The following C14orf132 variants were observed in gnomAD, a reference collection of about 807,000 sequenced individuals.
C14orf132 encodes uncharacterized protein C14orf132.
C14orf132 carries 6 observed loss-of-function variants against 5.8 expected under a neutral mutation model. The ratio of observed to expected loss-of-function variants is 1.03; its 90% confidence interval spans 0.57 to 2.04. C14orf132 has a LOEUF of 2.04. Among genes scored for constraint, C14orf132 ranks in the 30% most tolerant of loss-of-function variants. The pLI, the probability that C14orf132 is intolerant of heterozygous loss-of-function variation, is 0.00. For missense variants in C14orf132, 125 were observed against 115.8 expected (o/e 1.08, Z -0.37); for synonymous variants, 51 against 49.8 (o/e 1.02, Z -0.10).
At position 96,050,641 on chromosome 14, in the gene C14orf132, C is replaced by G. The variant is rs1293062417; in HGVS notation, c.27+11114C>G. On this transcript the variant is annotated intron_variant, in intron 1 of 1. Coordinates refer to ENST00000555004, the MANE Select transcript of C14orf132 (RefSeq NM_001252507.3). ...CCATGTGGTCTCCAGCTGCCTCACTCTCCTCAGACTCTCACTTCCATTCTT... is the reference window on the plus strand; with the variant it reads ...CCATGTGGTCTCCAGCTGCCTCACTGTCCTCAGACTCTCACTTCCATTCTT... Among the ~76,000 whole-genome samples the G allele has an allele frequency of 2.0e-5, 3 of 152,070 alleles. No homozygotes were observed. In the East Asian group the frequency reaches 5.8e-4, roughly 29 times the overall value.
rs1888212355 is a variant in C14orf132, at chr14:96,086,893, T to A, written c.*158T>A. ...TCCCCAGCAGCCCTGATTTCAAATA[T>A]CCCATGTTGTGGTCAAGCTGAGTCA... On this transcript the variant is annotated 3_prime_UTR_variant, in exon 2 of 2. Coordinates refer to ENST00000555004, the MANE Select transcript of C14orf132 (RefSeq NM_001252507.3). The A allele has an allele frequency of 2.7e-6, 2 of 735,962 alleles. No homozygotes were observed. Among genetic ancestry groups the A allele is most frequent in the South Asian group, 3.7e-5 (2 of 53,712 alleles). The allele number at this position is 735,962 out of a possible 1,614,324, so 45.6% of individuals were successfully genotyped here. A position where few individuals can be genotyped will look rare whatever the true frequency, so the allele number is the denominator to read the frequency against.
intron 1 of C14orf132, among the ~76,000 whole-genome samples, chr14:96,054,408 T>C (rs938836603): frequency 2.0e-5 from 3 of 152,160 alleles, no homozygotes; most frequent in Non-Finnish European, 4.4e-5. Flanking sequence ...TTAAATATGG[T>C]AATGTGGCAC....
rs1888480560 is a variant in C14orf132 at position 96,093,426 on chromosome 14, A to C, written c.*6691A>C. The C allele has an allele frequency of 6.6e-6, 1 of 152,252 alleles. No individual in the cohort carries two copies. Among genetic ancestry groups the C allele is most frequent in the African/African-American group, 2.4e-5 (1 of 41,462 alleles). 9.4% of individuals were successfully genotyped at this position (152,252 alleles called of 1,614,324 possible). On this transcript the variant is annotated 3_prime_UTR_variant, in exon 2 of 2. Transcript: ENST00000555004. ...GGTAGCAGCCTTTGAGCAAATCTGCATCTTCTCTTATTTCTGACCTTTTTC... is the reference window on the plus strand; with the variant it reads ...GGTAGCAGCCTTTGAGCAAATCTGCCTCTTCTCTTATTTCTGACCTTTTTC...
At chr14:96,070,542 G>C (rs1355125028) in intron 1 of C14orf132, among the ~76,000 whole-genome samples, 1 of 151,250 alleles carries the variant, frequency 6.6e-6, no homozygotes, top group Non-Finnish European at 1.5e-5. Context: ...ATTCTGATTT[G>C]AACTGGATTG....
chr14:96,090,676 G>C lies in C14orf132; in HGVS notation c.*3941G>C, dbSNP rs1888369072. 4.4e-6 allele frequency: 2 copies of C among 455,926 alleles called. No individual in the cohort carries two copies. Among genetic ancestry groups the C allele is most frequent in the Non-Finnish European group, 8.8e-6 (2 of 226,794 alleles). The allele number at this position is 455,926 out of a possible 1,614,324, so 28.2% of individuals were successfully genotyped here. On this transcript the variant is annotated 3_prime_UTR_variant, in exon 2 of 2. Coordinates refer to ENST00000555004, the MANE Select transcript of C14orf132 (RefSeq NM_001252507.3). ...AGAGAAATGATTCTCGCTCCTTTCA[G>C]ATCCCCCAGGATCTGAGGGAGAAAG...
chr14:96,079,090 A>C (rs1241508123), intron 1 of C14orf132, among the ~76,000 whole-genome samples: 1 of 152,200 alleles, frequency 6.6e-6, no homozygotes, highest in African/African-American at 2.4e-5. Context: ...CTCTGGAGAC[A>C]CCTTGAGACA....
chr14:96,069,589 C>T (rs79923127), intron 1 of C14orf132, among the ~76,000 whole-genome samples: 33,556 of 151,856 alleles, frequency 0.22, 4,051 homozygotes, highest in South Asian at 0.27. Context: ...TTGGAGCTGG[C>T]GCAGTCAGCC....
In C14orf132 at chr14:96,049,586, A is replaced by ATG. The variant is rs1566823774; in HGVS notation, c.27+10060_27+10061insGT. ...CGTATATATACATATATACGTATAT[A>ATG]TATACATATATACGTATATATATAC... On this transcript the variant is annotated intron_variant, in intron 1 of 1. Coordinates refer to ENST00000555004, the MANE Select transcript of C14orf132 (RefSeq NM_001252507.3). 2.2e-4 allele frequency among the ~76,000 whole-genome samples: 28 copies of ATG among 125,992 alleles called. 1 individual carries two copies. Among genetic ancestry groups the ATG allele is most frequent in the Admixed American group, 5.6e-4 (7 of 12,450 alleles). The allele number at this position is 125,992 out of a possible 152,430, so 82.7% of individuals were successfully genotyped here.
At chr14:96,046,150 G>C (rs1368037984) in intron 1 of C14orf132, among the ~76,000 whole-genome samples, 1 of 152,198 alleles carries the variant, frequency 6.6e-6, no homozygotes, top group Admixed American at 6.5e-5. Flanking sequence ...AGAAGTCCCA[G>C]AATGTCATTA....
At chr14:96,051,106 T>C (rs1437461467) in intron 1 of C14orf132, 2 of 398,338 alleles carry the variant, frequency 5.0e-6, no homozygotes, top group African/African-American at 2.1e-5. Flanking sequence ...GTGAGTAACA[T>C]ACATACATAC....
Position 96,039,649 on chromosome 14 carries a change from T to C in C14orf132, c.27+122T>C. On this transcript the variant is annotated intron_variant, in intron 1 of 1. Coordinates refer to ENST00000555004, the MANE Select transcript of C14orf132 (RefSeq NM_001252507.3). The surrounding 1 kb of genome is among the most constrained non-coding windows in gnomAD (Gnocchi z 5.3). ...CCGCCCGCGATCCGCGTCCCGGTCC[T>C]TTGTCCCGAGCCGGACACCCCCACT... is the stretch of plus-strand genomic sequence containing the variant. 3 of 1,082,970 alleles carry C rather than the reference T, an allele frequency of 2.8e-6. No homozygotes were observed. Among genetic ancestry groups the C allele is most frequent in the Admixed American group, 3.4e-5 (1 of 29,776 alleles). The allele number at this position is 1,082,970 out of a possible 1,614,324, so 67.1% of individuals were successfully genotyped here.
rs1453051920 is a variant in C14orf132, at chr14:96,093,595, G to A, written c.*6860G>A. 6.6e-6 allele frequency: 1 copy of A among 152,170 alleles called. No homozygotes were observed. Among genetic ancestry groups the A allele is most frequent in the African/African-American group, 2.4e-5 (1 of 41,438 alleles). 9.4% of individuals were successfully genotyped at this position (152,170 alleles called of 1,614,324 possible). ...CCGAGAGCATCGGAAATGTTTTTGT[G>A]TCTTACTGATGTTTTCATGATCAAC... is the stretch of plus-strand genomic sequence containing the variant. On this transcript the variant is annotated 3_prime_UTR_variant, in exon 2 of 2. Transcript: ENST00000555004.
chr14:96,053,268 G>A (rs1017105346), intron 1 of C14orf132, among the ~76,000 whole-genome samples: 1 of 152,228 alleles, frequency 6.6e-6, no homozygotes, highest in Non-Finnish European at 1.5e-5. Context: ...CACTGAGGAT[G>A]AGCCAGACAC....
At chr14:96,061,035 G>A (rs1271624171) in intron 1 of C14orf132, among the ~76,000 whole-genome samples, 4 of 151,710 alleles carry the variant, frequency 2.6e-5, no homozygotes, top group African/African-American at 7.3e-5. Context: ...ACAATGCCAC[G>A]ACCATCACCT....
chr14:96,089,656 C>T lies in C14orf132; in HGVS notation c.*2921C>T, dbSNP rs991395421. The stretch of plus-strand genomic sequence containing the variant: ...CATGCTCAACCTCCCGCCCACTGCT[C>T]TCTCTCTGCCCAGATTTCAGGGGTG... On this transcript the variant is annotated 3_prime_UTR_variant, in exon 2 of 2. Transcript: ENST00000555004. 2.6e-5 allele frequency: 4 copies of T among 152,330 alleles called. No individual in the cohort carries two copies. Among genetic ancestry groups the T allele is most frequent in the African/African-American group, 9.7e-5 (4 of 41,436 alleles). The allele number at this position is 152,330 out of a possible 1,614,324, so 9.4% of individuals were successfully genotyped here. A position where few individuals can be genotyped will look rare whatever the true frequency, so the allele number is the denominator to read the frequency against.
rs1346329699 is a variant in C14orf132 at position 96,090,779 on chromosome 14, G to C, written c.*4044G>C. 1 of 456,098 alleles carries C rather than the reference G, an allele frequency of 2.2e-6. No individual in the cohort carries two copies. The highest frequency in any genetic ancestry group is 4.4e-6 in the Non-Finnish European group (1 of 226,808). The allele number at this position is 456,098 out of a possible 1,614,324, so 28.3% of individuals were successfully genotyped here. A position where few individuals can be genotyped will look rare whatever the true frequency, so the allele number is the denominator to read the frequency against. On this transcript the variant is annotated 3_prime_UTR_variant, in exon 2 of 2. Coordinates refer to ENST00000555004, the MANE Select transcript of C14orf132 (RefSeq NM_001252507.3). ...AGCCCCGGTTCAGCTGGAAGGCTTGGAGGCTGGCCAGACCACTCTGGCGTC... is the reference window on the plus strand; with the variant it reads ...AGCCCCGGTTCAGCTGGAAGGCTTGCAGGCTGGCCAGACCACTCTGGCGTC...
intron 1 of C14orf132, among the ~76,000 whole-genome samples, chr14:96,064,638 G>A (rs1887476293): frequency 6.6e-6 from 1 of 151,740 alleles, no homozygotes; most frequent in Non-Finnish European, 1.5e-5. Flanking sequence ...GGATGCAAAG[G>A]CACAAGAATG....
At chr14:96,085,041 G>A (rs1566837100) in intron 1 of C14orf132, among the ~76,000 whole-genome samples, 1 of 152,232 alleles carries the variant, frequency 6.6e-6, no homozygotes, top group Non-Finnish European at 1.5e-5. Context: ...AGAGCCGGGA[G>A]TGCCTGGGCT....
At position 96,046,150 on chromosome 14, in the gene C14orf132, G is replaced by A. The variant is rs1368037984; in HGVS notation, c.27+6623G>A. ...TCGTAGGACCTGCCTAGAAGTCCCA[G>A]AATGTCATTAACACTACATTCTTTT... On this transcript the variant is annotated intron_variant, in intron 1 of 1. Transcript: ENST00000555004. Among the ~76,000 whole-genome samples, 3 of 152,316 alleles carry A rather than the reference G, an allele frequency of 2.0e-5. No homozygotes were observed. The East Asian group carries it at 5.8e-4, about 29-fold the overall frequency.
Sources: gnomAD v4.1 joint callset for allele counts (sites outside exome capture counted in the v4.1 genomes callset) on GRCh38, gnomAD v4.1.1 for gene constraint, Gnocchi (gnomAD v3.1) non-coding constraint, MANE v1.5 for transcripts, NCBI Gene and HGNC (gene_info 2026-07-23, HGNC 2026-07-21) for gene names.